The following RYR3 variants were observed in gnomAD, a reference collection of about 807,000 sequenced individuals.
RYR3 encodes ryanodine receptor 3, also known as brain ryanodine receptor-calcium release channel.
RYR3 carries 207 observed loss-of-function variants against 584.3 expected under a neutral mutation model. That is an observed-to-expected ratio of 0.35 (90% CI 0.32 to 0.40). RYR3 has a LOEUF of 0.40. Ranked by LOEUF, RYR3 falls within the 10% of genes least tolerant of loss-of-function variation. The pLI, the probability that RYR3 is intolerant of heterozygous loss-of-function variation, is 1.00. For missense variants in RYR3, 5,616 were observed against 6,089.2 expected, an observed-to-expected ratio of 0.92 and a Z score of 2.59; for synonymous variants, 2,416 against 2,248.5, an observed-to-expected ratio of 1.07 and a Z score of -2.11.
rs2152636944 is a variant in RYR3 at position 33,633,056 on chromosome 15, A to G, written c.2975A>G (p.Asn992Ser). Reference protein sequence around the residue: ...LVDKLAENAHNVWAKDRIKQG... With the variant: ...LVDKLAENAHSVWAKDRIKQG... ...GATAAGCTTGCAGAAAATGCACACA[A>G]TGTTTGGGCAAAAGACAGAATAAAA... Residue 992 changes from asparagine (N) to serine (S), a missense_variant, in exon 24 of 104, where the codon AAT becomes AGT. Around this residue, in one of 9 missense-constraint regions of RYR3, gnomAD observed 1,284 missense variants for 1,344.6 expected, o/e 0.95. Transcript: ENST00000634891. 2 of 1,614,014 alleles carry G rather than the reference A, an allele frequency of 1.2e-6. No homozygotes were observed. The highest frequency in any genetic ancestry group is 1.1e-5 in the South Asian group (1 of 91,078).
chr15:33,762,744 T>G (rs1347039415), intron 60 of RYR3, among the ~76,000 whole-genome samples: 2 of 152,202 alleles, frequency 1.3e-5, no homozygotes, highest in African/African-American at 2.4e-5. Flanking sequence ...ATTGTCTTTC[T>G]TCACAGAACT....
chr15:33,314,506 A>G (rs1967810121), intron 1 of RYR3, among the ~76,000 whole-genome samples: 2 of 152,182 alleles, frequency 1.3e-5, no homozygotes. Flanking sequence ...CCTTTAGACT[A>G]CAGTATCCAT....
intron 46 of RYR3, among the ~76,000 whole-genome samples, chr15:33,728,466 G>A (rs1488991163): frequency 6.6e-6 from 1 of 152,184 alleles, no homozygotes; most frequent in East Asian, 1.9e-4. Context: ...TTTTAAACTG[G>A]CTTTTCAACA....
Position 33,562,731 on chromosome 15 carries a change from A to G in RYR3, c.973-106A>G, listed in dbSNP as rs868150306. The G allele has an allele frequency of 9.5e-6, 7 of 734,850 alleles. No individual in the cohort carries two copies. The Middle Eastern group carries it at 1.8e-3, about 190-fold the overall frequency. 45.5% of individuals were successfully genotyped at this position (734,850 alleles called of 1,614,324 possible). A position where few individuals can be genotyped will look rare whatever the true frequency, so the allele number is the denominator to read the frequency against. ...CAGGCACATCATGATTATTTTGGTA[A>G]CCAGTTGCCTGGCTTACAGGTTCTT... On this transcript the variant is annotated intron_variant, in intron 10 of 103. Coordinates refer to ENST00000634891, the MANE Select transcript of RYR3 (RefSeq NM_001036.6).
intron 67 of RYR3, among the ~76,000 whole-genome samples, chr15:33,788,750 C>T (rs1364836473): frequency 6.6e-6 from 1 of 152,166 alleles, no homozygotes; most frequent in Non-Finnish European, 1.5e-5. Flanking sequence ...CCACTTCTGC[C>T]CCTCTGCTGT....
intron 23 of RYR3, 53 bp from the exon 24 acceptor site, chr15:33,632,895 AT>A (rs1357022615): frequency 1.8e-5 from 27 of 1,516,370 alleles, no homozygotes; most frequent in Non-Finnish European, 2.2e-5. Flanking sequence ...AAAATCCGGA[AT>A]GAGAAACTCA....
Position 33,399,702 on chromosome 15 carries a change from C to A in RYR3, c.52-73717C>A, listed in dbSNP as rs561383663. Among the ~76,000 whole-genome samples, 6 of 152,166 alleles carry A rather than the reference C, an allele frequency of 3.9e-5. No homozygotes were observed. The South Asian group carries it at 8.3e-4, about 21-fold the overall frequency. On this transcript the variant is annotated intron_variant, in intron 1 of 103. Coordinates refer to ENST00000634891, the MANE Select transcript of RYR3 (RefSeq NM_001036.6). ...ATGGGCGACAGCTGCTTTACCTGTACCTCCTCAACACCCCCAGGCAAGAAC... is the reference window on the plus strand; with the variant it reads ...ATGGGCGACAGCTGCTTTACCTGTAACTCCTCAACACCCCCAGGCAAGAAC...
At chr15:33,610,290 A>G (rs1045918945) in intron 18 of RYR3, among the ~76,000 whole-genome samples, 6 of 152,224 alleles carry the variant, frequency 3.9e-5, no homozygotes, top group African/African-American at 1.4e-4. Context: ...CCAAGTCTCA[A>G]CTTGTCCCAT....
rs556342535 is a variant in RYR3 at position 33,579,214 on chromosome 15, G to A, written c.1269-762G>A. ...GAAAGGAGGGTGATATTCAGAGAGG[G>A]AACACAGGGTGAGGAAAGTCAGATG... On this transcript the variant is annotated intron_variant, in intron 12 of 103. Transcript: ENST00000634891. Among the ~76,000 whole-genome samples, 92 of 152,160 alleles carry A rather than the reference G, an allele frequency of 6.0e-4. 1 individual carries two copies. Among genetic ancestry groups the A allele is most frequent in the African/African-American group, 2.0e-3 (84 of 41,502 alleles).
At chr15:33,545,915 A>G (rs2056201752) in intron 8 of RYR3, among the ~76,000 whole-genome samples, 3 of 152,160 alleles carry the variant, frequency 2.0e-5, no homozygotes, top group African/African-American at 4.8e-5. Flanking sequence ...CAGAGTGGAA[A>G]CCCAAGATTA....
At chr15:33,806,990 A>G (rs1410302594) in intron 69 of RYR3, among the ~76,000 whole-genome samples, 1 of 149,638 alleles carries the variant, frequency 6.7e-6, no homozygotes, top group Non-Finnish European at 1.5e-5. Context: ...GCTTCAAGTG[A>G]TCTTGCCACC....
intron 67 of RYR3, among the ~76,000 whole-genome samples, chr15:33,794,255 G>T (rs1470833534): frequency 1.6e-5 from 1 of 62,432 alleles, no homozygotes; most frequent in South Asian, 8.8e-4. Context: ...GTGAAAATGA[G>T]TACAATTTCC....
intron 1 of RYR3, among the ~76,000 whole-genome samples, chr15:33,336,042 C>T (rs1231041945): frequency 3.3e-5 from 5 of 152,198 alleles, no homozygotes; most frequent in African/African-American, 1.2e-4. Context: ...TTTTAAAAGA[C>T]TTTTTAGCCT....
chr15:33,746,487 C>T (rs148527340), intron 53 of RYR3, among the ~76,000 whole-genome samples: 34 of 152,214 alleles, frequency 2.2e-4, no homozygotes, highest in African/African-American at 7.0e-4. Flanking sequence ...GGAGAAGGCA[C>T]GGTGAAATTG....
At position 33,628,489 on chromosome 15, in the gene RYR3, C is replaced by G. The variant is rs374984544; in HGVS notation, c.2593C>G (p.Leu865Val). 4.3e-6 allele frequency: 7 copies of G among 1,612,330 alleles called. No individual in the cohort carries two copies. The East Asian group carries it at 1.6e-4, about 36-fold the overall frequency. ...DTSQVILPPH[L>V]EKIRDRLAEN... Reference sequence around the variant, plus strand: ...CCTTTAGGTTATTTTGCCACCTCACCTAGAAAAGATCCGAGACAGACTAGC... The same window carrying G: ...CCTTTAGGTTATTTTGCCACCTCACGTAGAAAAGATCCGAGACAGACTAGC... Residue 865 changes from leucine to valine, a missense_variant, in exon 21 of 104, where the codon CTA becomes GTA. Leu to Val is a conservative substitution (Grantham distance 32). Coordinates refer to ENST00000634891, the MANE Select transcript of RYR3 (RefSeq NM_001036.6).
intron 96 of RYR3, among the ~76,000 whole-genome samples, chr15:33,854,147 G>T (rs146585864): frequency 0.021 from 3,041 of 148,126 alleles, 101 homozygotes; most frequent in Non-Finnish European, 0.019. Flanking sequence ...AGTAAGCCAA[G>T]ATCACGCCAC....
At chr15:33,503,879 T>A (rs962749165) in intron 3 of RYR3, 141 bp downstream of exon 3, 1 of 623,490 alleles carries the variant, frequency 1.6e-6, no homozygotes, top group Admixed American at 2.7e-5. Flanking sequence ...TCTTTCTCCC[T>A]GAGTTGAGTT....
chr15:33,710,287 G>T (rs906823117), intron 43 of RYR3, among the ~76,000 whole-genome samples: 1 of 151,592 alleles, frequency 6.6e-6, no homozygotes, highest in Non-Finnish European at 1.5e-5. Context: ...CATGTCACAT[G>T]GCGAAAGCAG....
At chr15:33,454,214 G>A (rs563549872) in intron 1 of RYR3, among the ~76,000 whole-genome samples, 14 of 152,252 alleles carry the variant, frequency 9.2e-5, no homozygotes, top group African/African-American at 3.1e-4. Flanking sequence ...AGACTAAGAA[G>A]GACTAACGGC....
Sources: allele counts gnomAD v4.1 joint callset (sites outside exome capture counted in the v4.1 genomes callset), GRCh38; gene constraint gnomAD v4.1.1; regional missense constraint gnomAD v4.1.1; transcripts MANE v1.5; gene names NCBI Gene and HGNC (gene_info 2026-07-23, HGNC 2026-07-21).